The following CSGALNACT1 variants were observed in gnomAD, a reference collection of about 807,000 sequenced individuals.
CSGALNACT1 encodes the protein chondroitin sulfate N-acetylgalactosaminyltransferase 1, also known as beta4GalNAcT-1.
A neutral mutation model predicts 51.0 loss-of-function variants in CSGALNACT1; 52 were observed. The observed-to-expected ratio is 1.02, with a 90% confidence interval of 0.82 to 1.29. The LOEUF (loss-of-function observed/expected upper bound fraction) is 1.29. CSGALNACT1 is among the 50% of genes most tolerant of loss of function. The probability of loss-of-function intolerance (pLI) is 0.00; values close to 1 mark genes in which losing one functional copy is unlikely to be tolerated. For synonymous variants in CSGALNACT1, 341 were observed against 254.4 expected, an observed-to-expected ratio of 1.34 and a Z score of -3.24; for missense variants, 935 against 679.2, an observed-to-expected ratio of 1.38 and a Z score of -4.19.
At chr8:19,520,185 C>T (rs574367938) in intron 3 of CSGALNACT1, among the ~76,000 whole-genome samples, 49 of 152,168 alleles carry the variant, frequency 3.2e-4, no homozygotes, top group Non-Finnish European at 5.6e-4. Flanking sequence ...TATTATAGAA[C>T]GGGACTACAG....
At chr8:19,726,518 T>C (rs987788713) in intron 1 of CSGALNACT1, among the ~76,000 whole-genome samples, 1 of 152,190 alleles carries the variant, frequency 6.6e-6, no homozygotes, top group African/African-American at 2.4e-5. Flanking sequence ...CATGAATATA[T>C]TGTAAAATGG....
At chr8:19,477,485 G>A (rs764013273) in intron 4 of CSGALNACT1, among the ~76,000 whole-genome samples, 2 of 152,266 alleles carry the variant, frequency 1.3e-5, no homozygotes, top group Non-Finnish European at 2.9e-5. Context: ...CCCTGATTAA[G>A]TACCCACTGA....
At chr8:19,577,058 C>A (rs752480269) in intron 3 of CSGALNACT1, among the ~76,000 whole-genome samples, 1 of 149,202 alleles carries the variant, frequency 6.7e-6, no homozygotes, top group African/African-American at 2.6e-5. Context: ...ACTCTGCTCC[C>A]CTTTGGGAAA....
chr8:19,674,918 G>C (rs2060065539), intron 1 of CSGALNACT1, among the ~76,000 whole-genome samples: 1 of 152,202 alleles, frequency 6.6e-6, no homozygotes, highest in South Asian at 2.1e-4. Flanking sequence ...TTTCTGGCCT[G>C]AACAATGAAA....
intron 3 of CSGALNACT1, among the ~76,000 whole-genome samples, chr8:19,532,919 C>T (rs1308497462): frequency 6.6e-6 from 1 of 152,070 alleles, no homozygotes; most frequent in Non-Finnish European, 1.5e-5. Flanking sequence ...TTTCCAACTG[C>T]CATACATCCC....
intron 7 of CSGALNACT1, 37 bp downstream of exon 6, chr8:19,420,303 G>A: frequency 6.2e-7 from 1 of 1,605,652 alleles, no homozygotes; most frequent in Non-Finnish European, 8.5e-7. Context: ...CGAGAGGGCT[G>A]GGGGCCACCT....
chr8:19,671,087 A>T (rs2059763481), intron 1 of CSGALNACT1, among the ~76,000 whole-genome samples: 1 of 152,228 alleles, frequency 6.6e-6, no homozygotes, highest in African/African-American at 2.4e-5. Context: ...GGTTATTACC[A>T]GAATTAGCCC....
chr8:19,589,423 TCAAA>T, intron 3 of CSGALNACT1, among the ~76,000 whole-genome samples: 1 of 152,330 alleles, frequency 6.6e-6, no homozygotes, highest in Admixed American at 6.5e-5. Context: ...TCTCCCAGGT[TCAAA>T]CAATTATCCT....
At chr8:19,684,964 T>C (rs923938684), upstream of CSGALNACT1, among the ~76,000 whole-genome samples, 6 of 152,244 alleles carry the variant, frequency 3.9e-5, no homozygotes, top group Non-Finnish European at 8.8e-5. Context: ...TCCCACACTT[T>C]CTACTGTAAC....
chr8:19,420,314 G>A (rs1433153479), intron 7 of CSGALNACT1, 26 bp downstream of exon 6: 3 of 1,612,686 alleles, frequency 1.9e-6, no homozygotes, highest in Admixed American at 3.3e-5. Flanking sequence ...GGGGCCACCT[G>A]AGCGTGACAG....
chr8:19,539,948 G>T (rs2084703080), intron 3 of CSGALNACT1, among the ~76,000 whole-genome samples: 1 of 152,120 alleles, frequency 6.6e-6, no homozygotes, highest in South Asian at 2.1e-4. Flanking sequence ...TGAGTAGCTG[G>T]CTCCATCAGA....
intron 1 of CSGALNACT1, among the ~76,000 whole-genome samples, chr8:19,701,396 T>C (rs896653232): frequency 3.2e-4 from 49 of 151,232 alleles, no homozygotes; most frequent in African/African-American, 1.2e-3. Flanking sequence ...TTGAGTGATC[T>C]GCCCACCTTG....
intron 1 of CSGALNACT1, among the ~76,000 whole-genome samples, chr8:19,637,883 C>T (rs1195723143): frequency 6.6e-6 from 1 of 151,152 alleles, no homozygotes; most frequent in African/African-American, 2.4e-5. Flanking sequence ...AGTGAGTGCC[C>T]AGCGCTGATA....
At chr8:19,641,338 A>T (rs113862713) in intron 1 of CSGALNACT1, among the ~76,000 whole-genome samples, 2 of 151,874 alleles carry the variant, frequency 1.3e-5, no homozygotes, top group Non-Finnish European at 2.9e-5. Context: ...AATAAACCAA[A>T]TCACATCAGA....
intron 4 of CSGALNACT1, among the ~76,000 whole-genome samples, chr8:19,483,845 A>G (rs2072135509): frequency 6.6e-6 from 1 of 152,208 alleles, no homozygotes; most frequent in African/African-American, 2.4e-5. Context: ...CCTTTCTTCC[A>G]ATGTATTGTC....
At chr8:19,502,773 C>G (rs971229446) in intron 4 of CSGALNACT1, among the ~76,000 whole-genome samples, 2 of 152,236 alleles carry the variant, frequency 1.3e-5, no homozygotes, top group African/African-American at 2.4e-5. Context: ...TCAAACCAGA[C>G]CTTTCCATTC....
chr8:19,447,012 C>G (rs181166886), intron 5 of CSGALNACT1, among the ~76,000 whole-genome samples: 1 of 152,254 alleles, frequency 6.6e-6, no homozygotes, highest in Admixed American at 6.5e-5. Flanking sequence ...ACTTAGACAC[C>G]TATATTTCTG....
intron 6 of CSGALNACT1, among the ~76,000 whole-genome samples, chr8:19,430,397 A>C (rs2059477104): frequency 6.6e-6 from 1 of 152,184 alleles, no homozygotes; most frequent in African/African-American, 2.4e-5. Context: ...TATACCTATC[A>C]ACTACAGAAA....
At chr8:19,420,682 T>C (rs1179981331) in intron 6 of CSGALNACT1, among the ~76,000 whole-genome samples, 164 bp from the exon 6 acceptor site, 1 of 152,238 alleles carries the variant, frequency 6.6e-6, no homozygotes, top group East Asian at 1.9e-4. Context: ...ACTCACAGGA[T>C]ACTCACTGGG....
Sources: allele counts gnomAD v4.1 joint callset (sites outside exome capture counted in the v4.1 genomes callset), GRCh38; gene constraint gnomAD v4.1.1; transcripts MANE v1.5; gene names NCBI Gene and HGNC (gene_info 2026-07-23, HGNC 2026-07-21).